Variants in LINGO2 observed in about 807,000 individuals in gnomAD.
LINGO2 encodes leucine rich repeat and Ig domain containing 2, also known as leucine-rich repeat and immunoglobulin-like domain-containing nogo receptor-interacting protein 2.
In LINGO2, 14 loss-of-function variants were observed where a neutral mutation model predicts 30.6. That is an observed-to-expected ratio of 0.46 (90% confidence interval 0.30 to 0.72). The LOEUF is 0.72. Ranked by LOEUF, LINGO2 falls within the 30% of genes least tolerant of loss-of-function variation. The pLI, the probability that LINGO2 is intolerant of heterozygous loss-of-function variation, is 0.07. For missense variants in LINGO2, 729 were observed against 751.7 expected, an observed-to-expected ratio of 0.97 and a Z score of 0.35; for synonymous variants, 317 against 288.5, an observed-to-expected ratio of 1.10 and a Z score of -1.00.
the LINGO2 span, among the ~76,000 whole-genome samples, chr9:28,748,519 T>C: frequency 4.6e-5 from 7 of 152,056 alleles, no homozygotes; most frequent in Non-Finnish European, 8.8e-5. Flanking sequence ...GTTTTTGTTA[T>C]TGAGAGTGGA....
chr9:28,897,065 G>A, the LINGO2 span, among the ~76,000 whole-genome samples: 1 of 152,092 alleles, frequency 6.6e-6, no homozygotes, highest in Admixed American at 6.6e-5. Flanking sequence ...TGGAAAAAAG[G>A]AAGACAAAGA....
chr9:28,551,992 T>G (rs1822310687), intron 1 of LINGO2, among the ~76,000 whole-genome samples: 1 of 152,116 alleles, frequency 6.6e-6, no homozygotes, highest in African/African-American at 2.4e-5. Context: ...TTTTTTCAGT[T>G]TATTGTACGA....
chr9:28,188,858 G>A (rs1406331286), intron 4 of LINGO2, among the ~76,000 whole-genome samples: 1 of 152,126 alleles, frequency 6.6e-6, no homozygotes, highest in African/African-American at 2.4e-5. Context: ...GACACAATAT[G>A]CTCCAAGTTT....
At chr9:28,735,018 G>A in the LINGO2 span, among the ~76,000 whole-genome samples, 1 of 152,124 alleles carries the variant, frequency 6.6e-6, no homozygotes, top group South Asian at 2.1e-4. Context: ...TTCTCCTATT[G>A]ATGGACACAT....
the LINGO2 span, among the ~76,000 whole-genome samples, chr9:29,077,260 T>A: frequency 2.6e-5 from 4 of 151,204 alleles, no homozygotes; most frequent in African/African-American, 9.7e-5. Context: ...ATCTATACTT[T>A]AAAAAAAAAG....
chr9:28,633,908 G>A (rs1234484792), intron 1 of LINGO2, among the ~76,000 whole-genome samples: 1 of 152,100 alleles, frequency 6.6e-6, no homozygotes, highest in Non-Finnish European at 1.5e-5. Flanking sequence ...TGTTTTATAG[G>A]CACACACTCC....
the LINGO2 span, among the ~76,000 whole-genome samples, chr9:29,068,271 G>T: frequency 6.6e-6 from 1 of 151,602 alleles, no homozygotes; most frequent in African/African-American, 2.4e-5. Flanking sequence ...ATATCAGTAG[G>T]CAAAGGATGC....
At chr9:28,865,073 G>A in the LINGO2 span, among the ~76,000 whole-genome samples, 3 of 152,100 alleles carry the variant, frequency 2.0e-5, no homozygotes, top group Admixed American at 6.6e-5. Flanking sequence ...AAGAGTAGCA[G>A]GAATTAGCAA....
At chr9:28,600,707 C>T (rs1263196821) in intron 1 of LINGO2, among the ~76,000 whole-genome samples, 1 of 152,028 alleles carries the variant, frequency 6.6e-6, no homozygotes, top group Non-Finnish European at 1.5e-5. Context: ...TTTTTAATAA[C>T]TTAATAACAA....
At chr9:28,063,887 C>T (rs753835132) in intron 4 of LINGO2, among the ~76,000 whole-genome samples, 10 of 152,116 alleles carry the variant, frequency 6.6e-5, no homozygotes, top group Non-Finnish European at 1.0e-4. Flanking sequence ...TGGTTTCCTG[C>T]TTTCCCTGAT....
At chr9:28,600,930 T>C (rs1301235253) in intron 1 of LINGO2, among the ~76,000 whole-genome samples, 3 of 152,020 alleles carry the variant, frequency 2.0e-5, no homozygotes, top group Non-Finnish European at 2.9e-5. Context: ...AATCCATAGA[T>C]TAACAAAATG....
chr9:28,925,177 C>T, the LINGO2 span, among the ~76,000 whole-genome samples: 8 of 152,244 alleles, frequency 5.3e-5, no homozygotes, highest in East Asian at 1.5e-3. Flanking sequence ...AATTTAAACG[C>T]TTTTTAAAAT....
At chr9:28,293,800 G>C (rs750494327) in intron 4 of LINGO2, among the ~76,000 whole-genome samples, 7 of 152,128 alleles carry the variant, frequency 4.6e-5, no homozygotes, top group Non-Finnish European at 1.0e-4. Context: ...AAGACTTAAA[G>C]GTATAAGACT....
intron 5 of LINGO2, among the ~76,000 whole-genome samples, chr9:27,992,023 G>A (rs1279514360): frequency 6.6e-6 from 1 of 151,896 alleles, no homozygotes; most frequent in East Asian, 1.9e-4. Context: ...CTGACTATGG[G>A]AAATTACTAC....
chr9:28,574,914 T>C (rs1177746896), intron 1 of LINGO2, among the ~76,000 whole-genome samples: 2 of 152,166 alleles, frequency 1.3e-5, no homozygotes, highest in Admixed American at 1.3e-4. Context: ...TTAAAATGCA[T>C]TGCAGTACTA....
chr9:29,148,633 A>G, the LINGO2 span, among the ~76,000 whole-genome samples: 63 of 152,318 alleles, frequency 4.1e-4, no homozygotes, highest in East Asian at 0.011. Context: ...TCCAAGATGA[A>G]AAACTAATGA....
At chr9:29,188,286 T>C in the LINGO2 span, among the ~76,000 whole-genome samples, 1 of 151,732 alleles carries the variant, frequency 6.6e-6, no homozygotes, top group African/African-American at 2.4e-5. Context: ...CTTAATCCAT[T>C]TAACCCTGAG....
chr9:28,587,509 A>G (rs1389769946), intron 1 of LINGO2, among the ~76,000 whole-genome samples: 1 of 151,860 alleles, frequency 6.6e-6, no homozygotes, highest in African/African-American at 2.4e-5. Context: ...TGTGAGTGGT[A>G]AAGGTGTGTG....
At chr9:28,390,661 A>G (rs536681503) in intron 2 of LINGO2, among the ~76,000 whole-genome samples, 1 of 152,196 alleles carries the variant, frequency 6.6e-6, no homozygotes, top group East Asian at 1.9e-4. Context: ...GCCATCTCCT[A>G]AACCTTCCTG....
Sources: allele counts gnomAD v4.1 joint callset (sites outside exome capture counted in the v4.1 genomes callset), GRCh38; gene constraint gnomAD v4.1.1; transcripts MANE v1.5; gene names NCBI Gene and HGNC (gene_info 2026-07-23, HGNC 2026-07-21).